Variants in ZFP92 observed in about 807,000 individuals in gnomAD.
ZFP92 encodes the protein zinc finger protein 92 homolog.
A neutral mutation model predicts 7.6 loss-of-function variants in ZFP92; 2 were observed. That is an observed-to-expected ratio of 0.26 (90% CI 0.11 to 0.83). The LOEUF (loss-of-function observed/expected upper bound fraction) is 0.83, where lower values mean the gene tolerates loss of function less well. Ranked by LOEUF, ZFP92 falls within the 40% of genes least tolerant of loss-of-function variation. The pLI, the probability that ZFP92 is intolerant of heterozygous loss-of-function variation, is 0.65. For missense variants in ZFP92, 324 were observed against 408.3 expected, an observed-to-expected ratio of 0.79 and a Z score of 1.78; for synonymous variants, 226 against 183.6, an observed-to-expected ratio of 1.23 and a Z score of -1.87.
chrX:153,420,460 G>T (rs1449802216), intron 5 of ZFP92, 128 bp downstream of exon 5: 4 of 881,486 alleles, frequency 4.5e-6, no homozygotes, highest in Non-Finnish European at 6.2e-6. Flanking sequence ...TCAATCTCCA[G>T]GTGTCACAGC....
intron 2 of ZFP92, among the ~76,000 whole-genome samples, chrX:153,414,942 C>T (rs1199113931): frequency 2.6e-5 from 3 of 113,452 alleles, no homozygotes; most frequent in Non-Finnish European, 3.7e-5. Flanking sequence ...TAGCTCTGAA[C>T]GAGAGAAGGC....
chrX:153,421,331 G>A lies in ZFP92; in HGVS notation c.954G>A (p.Arg318=), dbSNP rs782225999. The change falls in exon 6 of 6, where the codon CGG becomes CGA. Residue 318 remains arginine, a synonymous_variant. Coordinates refer to ENST00000338647, the MANE Select transcript of ZFP92 (RefSeq NM_001136273.2). ...ACCAGCGCAGCCACAGCGGCGAGCG[G>A]CCCTTCGCGTGCCGCGAGTGCGGCA... ...IHHQRSHSGE[R]PFACRECGKA... is the part of the protein sequence containing the mutation. 2.8e-5 allele frequency: 33 copies of A among 1,166,340 alleles called. No individual in the cohort carries two copies. Among genetic ancestry groups the A allele is most frequent in the Non-Finnish European group, 3.7e-5 (32 of 875,382 alleles).
chrX:153,421,700 C>T lies in ZFP92; in HGVS notation c.*72C>T, dbSNP rs1556975351. 1 of 912,535 alleles carries T rather than the reference C, an allele frequency of 1.1e-6. No individual in the cohort carries two copies. Among genetic ancestry groups the T allele is most frequent in the African/African-American group, 2.1e-5 (1 of 47,187 alleles). The allele number at this position is 912,535 out of a possible 1,213,427, so 75.2% of individuals were successfully genotyped here. A position where few individuals can be genotyped will look rare whatever the true frequency, so the allele number is the denominator to read the frequency against. ...TTCCTGGGGACGTCGAGGCTCAGCC[C>T]CCTTCAGGTGGGAAGACCGCCCTCC... On this transcript the variant is annotated 3_prime_UTR_variant, in exon 6 of 6. Coordinates refer to ENST00000338647, the MANE Select transcript of ZFP92 (RefSeq NM_001136273.2).
chrX:153,421,183 G>A lies in ZFP92; in HGVS notation c.806G>A (p.Cys269Tyr), dbSNP rs2088998842. 1 of 1,186,267 alleles carries A rather than the reference G, an allele frequency of 8.4e-7. No homozygotes were observed. Among genetic ancestry groups the A allele is most frequent in the African/African-American group, 1.8e-5 (1 of 56,899 alleles). ...SGERPYACPE[C>Y]GKAFSRSSNL... Reference sequence around the variant, plus strand: ...GAGCGGCCCTACGCGTGCCCAGAGTGCGGCAAGGCCTTCAGCCGCAGCTCC... The same window carrying A: ...GAGCGGCCCTACGCGTGCCCAGAGTACGGCAAGGCCTTCAGCCGCAGCTCC... The change falls in exon 6 of 6, where the codon TGC becomes TAC. Residue 269 changes from cysteine to tyrosine, a missense_variant. Physicochemically the swap from Cys to Tyr is radical, Grantham distance 194. Transcript: ENST00000338647.
intron 4 of ZFP92, among the ~76,000 whole-genome samples, chrX:153,419,373 T>C (rs989618477): frequency 1.8e-5 from 2 of 112,488 alleles, no homozygotes; most frequent in South Asian, 3.7e-4. Flanking sequence ...ATTTTGCCAA[T>C]TAAAGGGCAA....
At chrX:153,417,400 C>T (rs1285970737) in intron 2 of ZFP92, among the ~76,000 whole-genome samples, 1 of 112,020 alleles carries the variant, frequency 8.9e-6, no homozygotes. Flanking sequence ...CTGAATGTCA[C>T]CCCTTCAGAG....
In ZFP92 at chrX:153,421,851, C is replaced by A; in HGVS notation, c.*223C>A. 2.9e-6 allele frequency: 1 copy of A among 342,667 alleles called. No individual in the cohort carries two copies. Among genetic ancestry groups the A allele is most frequent in the South Asian group, 1.6e-4 (1 of 6,115 alleles). 28.2% of individuals were successfully genotyped at this position (342,667 alleles called of 1,213,427 possible). A position where few individuals can be genotyped will look rare whatever the true frequency, so the allele number is the denominator to read the frequency against. On this transcript the variant is annotated 3_prime_UTR_variant, in exon 6 of 6. Coordinates refer to ENST00000338647, the MANE Select transcript of ZFP92 (RefSeq NM_001136273.2). The stretch of plus-strand genomic sequence containing the variant: ...CCGAGGACTGCCGCCTGCCCTGGCT[C>A]CTCCATCAACGGCAGTGCGGGCTGG...
intron 2 of ZFP92, among the ~76,000 whole-genome samples, chrX:153,417,503 G>A (rs1445443293): frequency 2.7e-5 from 3 of 112,160 alleles, no homozygotes; most frequent in African/African-American, 9.7e-5. Context: ...ATGTGCATTT[G>A]GAGTTTCCTT....
intron 4 of ZFP92, 21 bp downstream of exon 4, chrX:153,418,820 A>G (rs1602895271): frequency 1.7e-6 from 2 of 1,163,404 alleles, no homozygotes; most frequent in East Asian, 6.5e-5. Flanking sequence ...CCTCCACGAC[A>G]TACACACACC....
In ZFP92 at chrX:153,423,113, C is replaced by T. The variant is rs920915608; in HGVS notation, c.*1485C>T. On this transcript the variant is annotated 3_prime_UTR_variant, in exon 6 of 6. Transcript: ENST00000338647. ...CAGGCCTTATCCTAGTTCCCCAGCG[C>T]TGTCCCCAGAGCTGGGCTCAGGAGC... 1 of 112,488 alleles carries T rather than the reference C, an allele frequency of 8.9e-6. No individual in the cohort carries two copies. Among genetic ancestry groups the T allele is most frequent in the Non-Finnish European group, 1.9e-5 (1 of 53,214 alleles). 9.3% of individuals were successfully genotyped at this position (112,488 alleles called of 1,213,427 possible). A position where few individuals can be genotyped will look rare whatever the true frequency, so the allele number is the denominator to read the frequency against.
chrX:153,413,427 G>A (rs2088925264), intron 2 of ZFP92, among the ~76,000 whole-genome samples: 1 of 107,559 alleles, frequency 9.3e-6, no homozygotes, highest in Non-Finnish European at 1.9e-5. Flanking sequence ...CCACCCATAG[G>A]CTAAGGTCCG....
Position 153,421,532 on chromosome X carries a change from G to A in ZFP92, c.1155G>A (p.Ala385=). 3.6e-6 allele frequency: 4 copies of A among 1,123,958 alleles called. No individual in the cohort carries two copies. The highest frequency in any genetic ancestry group is 3.7e-5 in the African/African-American group (2 of 53,526). The allele number at this position is 1,123,958 out of a possible 1,213,427, so 92.6% of individuals were successfully genotyped here. The change falls in exon 6 of 6, where the codon GCG becomes GCA. Residue 385 remains alanine, a synonymous_variant. Transcript: ENST00000338647. ...AGGCGGAGACGGCGCGGAGGCTAGC[G>A]GGCCCTGGGAGCACCGGCCCTGGGA... is the stretch of plus-strand genomic sequence containing the variant. ...PAKAETARRL[A]GPGSTGPGSA... is the part of the protein sequence containing the mutation.
At chrX:153,418,630 G>C (rs781819107) in intron 3 of ZFP92, 43 bp from the exon 4 acceptor site, 1 of 1,160,034 alleles carries the variant, frequency 8.6e-7, no homozygotes, top group Non-Finnish European at 1.2e-6. Context: ...CAGGGGCCCA[G>C]GGGGTTGAAT....
chrX:153,419,047 G>A (rs1556974424), intron 4 of ZFP92, among the ~76,000 whole-genome samples: 1 of 112,602 alleles, frequency 8.9e-6, no homozygotes, highest in African/African-American at 3.2e-5. Flanking sequence ...TTCAGTACCA[G>A]TCTTATCTTG....
intron 4 of ZFP92, 65 bp downstream of exon 4, chrX:153,418,864 A>G (rs1354868913): frequency 1.8e-6 from 2 of 1,112,912 alleles, no homozygotes; most frequent in African/African-American, 3.7e-5. Context: ...GGCTCAGTTT[A>G]TTTCCGAGAT....
At position 153,421,862 on chromosome X, in the gene ZFP92, G is replaced by A. The variant is rs979806667; in HGVS notation, c.*234G>A. 1.3e-5 allele frequency: 4 copies of A among 298,106 alleles called. No homozygotes were observed. Among genetic ancestry groups the A allele is most frequent in the Admixed American group, 7.3e-5 (1 of 13,760 alleles). The allele number at this position is 298,106 out of a possible 1,213,427, so 24.6% of individuals were successfully genotyped here. On this transcript the variant is annotated 3_prime_UTR_variant, in exon 6 of 6. Coordinates refer to ENST00000338647, the MANE Select transcript of ZFP92 (RefSeq NM_001136273.2). ...CGCCTGCCCTGGCTCCTCCATCAAC[G>A]GCAGTGCGGGCTGGGAATGGAGGCC...
chrX:153,421,620 C>A lies in ZFP92; in HGVS notation c.1243C>A (p.Arg415Ser). Residue 415 changes from arginine to serine, a missense_variant, in exon 6 of 6, where the codon CGC becomes AGC. Transcript: ENST00000338647. ...STAARPSRPS[R>S]R Reference sequence around the variant, plus strand: ...AGCCGCCAGGCCTTCCAGGCCCAGCCGCCGCTGACTCCCCGCCAGCGCACC... The same window carrying A: ...AGCCGCCAGGCCTTCCAGGCCCAGCAGCCGCTGACTCCCCGCCAGCGCACC... 1.0e-6 allele frequency: 1 copy of A among 987,532 alleles called. No individual in the cohort carries two copies. Among genetic ancestry groups the A allele is most frequent in the Non-Finnish European group, 1.3e-6 (1 of 787,670 alleles). 81.4% of individuals were successfully genotyped at this position (987,532 alleles called of 1,213,427 possible).
intron 2 of ZFP92, among the ~76,000 whole-genome samples, chrX:153,414,801 C>T (rs557840627): frequency 1.8e-4 from 20 of 111,763 alleles, no homozygotes; most frequent in South Asian, 1.5e-3. Context: ...CCCCCACCCC[C>T]GGGCACCCAC....
intron 2 of ZFP92, among the ~76,000 whole-genome samples, chrX:153,416,528 G>T (rs1216295870): frequency 3.6e-5 from 4 of 111,323 alleles, no homozygotes; most frequent in Non-Finnish European, 1.9e-5. Flanking sequence ...CTGGGATCCT[G>T]TGCCCTCTCC....
Sources: allele counts gnomAD v4.1 joint callset (sites outside exome capture counted in the v4.1 genomes callset), GRCh38; gene constraint gnomAD v4.1.1; transcripts MANE v1.5; gene names NCBI Gene and HGNC (gene_info 2026-07-23, HGNC 2026-07-21).